MKLN1: variants seen among roughly 807,000 people sequenced by gnomAD.
MKLN1 encodes the protein muskelin.
A neutral mutation model predicts 99.0 loss-of-function variants in MKLN1; 18 were observed. The observed-to-expected ratio is 0.18, with a 90% CI of 0.13 to 0.27. The LOEUF (loss-of-function observed/expected upper bound fraction) is 0.27, where lower values mean the gene tolerates loss of function less well. Ranked by LOEUF, MKLN1 falls within the 10% of genes least tolerant of loss-of-function variation. The pLI is 1.00. For synonymous variants in MKLN1, 288 were observed against 293.2 expected (o/e 0.98, Z 0.18); for missense variants, 621 against 875.9 (o/e 0.71, Z 3.67).
intron 17 of MKLN1, among the ~76,000 whole-genome samples, chr7:131,484,738 G>T (rs1191329684): frequency 6.6e-6 from 1 of 152,130 alleles, no homozygotes; most frequent in Non-Finnish European, 1.5e-5. Context: ...TTTCAGTGAG[G>T]TATAGTCTAC....
chr7:131,245,498 C>T (rs1363903062), intron 3 of MKLN1, among the ~76,000 whole-genome samples: 1 of 152,046 alleles, frequency 6.6e-6, no homozygotes, highest in African/African-American at 2.4e-5. Flanking sequence ...GAATTCCTGC[C>T]CTCAGGTGAT....
chr7:131,211,966 T>G (rs1489671356), intron 3 of MKLN1, among the ~76,000 whole-genome samples: 2 of 152,112 alleles, frequency 1.3e-5, no homozygotes, highest in African/African-American at 4.8e-5. Context: ...AGAGAAATGA[T>G]GAAAAGCATT....
In MKLN1 at chr7:131,495,348, C is replaced by A. The variant is rs975098748; in HGVS notation, c.*7620C>A. 1 of 152,138 alleles carries A rather than the reference C, an allele frequency of 6.6e-6. No homozygotes were observed. Among genetic ancestry groups the A allele is most frequent in the African/African-American group, 2.4e-5 (1 of 41,422 alleles). The allele number at this position is 152,138 out of a possible 1,614,324, so 9.4% of individuals were successfully genotyped here. On this transcript the variant is annotated 3_prime_UTR_variant, in exon 18 of 18. Coordinates refer to ENST00000352689, the MANE Select transcript of MKLN1 (RefSeq NM_013255.5). ...TCGCTCCTTCTGTTTGTGAAAACAT[C>A]TCCTGGACTGGAAATGTGGTGCTGT...
intron 2 of MKLN1, among the ~76,000 whole-genome samples, chr7:131,157,672 A>T (rs1045031118): frequency 1.3e-5 from 2 of 152,076 alleles, no homozygotes; most frequent in African/African-American, 4.8e-5. Context: ...CTCTTTTTTC[A>T]TGCAAAAGCT....
At chr7:131,399,043 A>G (rs1794446838) in intron 5 of MKLN1, among the ~76,000 whole-genome samples, 198 bp from the exon 6 acceptor site, 1 of 152,218 alleles carries the variant, frequency 6.6e-6, no homozygotes, top group South Asian at 2.1e-4. Context: ...TGAGCAAGTT[A>G]TTGGAACAGG....
At chr7:131,345,305 C>T (rs987879271) in intron 1 of MKLN1, among the ~76,000 whole-genome samples, 2 of 152,144 alleles carry the variant, frequency 1.3e-5, no homozygotes, top group African/African-American at 2.4e-5. Flanking sequence ...ATATACTTAG[C>T]AGTTGAGCAT....
intron 1 of MKLN1, among the ~76,000 whole-genome samples, chr7:131,137,198 G>A (rs934770327): frequency 6.6e-6 from 1 of 152,154 alleles, no homozygotes; most frequent in Admixed American, 6.5e-5. Flanking sequence ...CGCCTGTACA[G>A]TTTGAGCACA....
chr7:131,314,263 T>C (rs1427418778), intron 3 of MKLN1, among the ~76,000 whole-genome samples: 1 of 152,158 alleles, frequency 6.6e-6, no homozygotes. Flanking sequence ...AATCTCTCCA[T>C]GACTCTTCAC....
intron 3 of MKLN1, among the ~76,000 whole-genome samples, chr7:131,217,148 T>C (rs1796994619): frequency 6.6e-6 from 1 of 152,262 alleles, no homozygotes; most frequent in Admixed American, 6.5e-5. Context: ...ACTAGCTTAG[T>C]ATATAAATAT....
At chr7:131,173,845 AAACAAAAC>A (rs1315719593) in intron 2 of MKLN1, among the ~76,000 whole-genome samples, 1 of 152,180 alleles carries the variant, frequency 6.6e-6, no homozygotes, top group Admixed American at 6.5e-5. Context: ...AAACAAATCA[AAACAAAAC>A]AACAAAACAA....
chr7:131,356,463 C>CA (rs1311979366), intron 1 of MKLN1, among the ~76,000 whole-genome samples: 1 of 152,056 alleles, frequency 6.6e-6, no homozygotes, highest in African/African-American at 2.4e-5. Context: ...TCCAAGACCC[C>CA]AAATCTTTGG....
At chr7:131,401,785 A>T (rs1794551529) in intron 6 of MKLN1, among the ~76,000 whole-genome samples, 2 of 152,194 alleles carry the variant, frequency 1.3e-5, no homozygotes, top group Admixed American at 6.6e-5. Context: ...ACTTTACTGT[A>T]GCCTCTTAAG....
intron 8 of MKLN1, among the ~76,000 whole-genome samples, chr7:131,422,332 G>A (rs1408909293): frequency 6.6e-6 from 1 of 152,170 alleles, no homozygotes; most frequent in Non-Finnish European, 1.5e-5. Flanking sequence ...AGGATCACTT[G>A]AGGCTGGGAG....
chr7:131,276,435 C>T (rs1406039334), intron 3 of MKLN1, among the ~76,000 whole-genome samples: 1 of 152,148 alleles, frequency 6.6e-6, no homozygotes, highest in Non-Finnish European at 1.5e-5. Context: ...AAGTGCATAA[C>T]CAGAATTTCC....
At chr7:131,257,106 C>T (rs1797668527) in intron 3 of MKLN1, among the ~76,000 whole-genome samples, 1 of 152,108 alleles carries the variant, frequency 6.6e-6, no homozygotes, top group Non-Finnish European at 1.5e-5. Context: ...TGTAACAACA[C>T]TGTAGACTAG....
intron 12 of MKLN1, among the ~76,000 whole-genome samples, chr7:131,451,171 A>G (rs118098010): frequency 6.6e-6 from 1 of 152,328 alleles, no homozygotes; most frequent in East Asian, 1.9e-4. Flanking sequence ...CCACATTTTT[A>G]AAATATTCTT....
At position 131,132,464 on chromosome 7, in the gene MKLN1, C is replaced by T. The variant is rs1225355477; in HGVS notation, c.-418-10356C>T. 5.3e-5 allele frequency among the ~76,000 whole-genome samples: 8 copies of T among 152,242 alleles called. 1 individual carries two copies. The South Asian group carries it at 1.0e-3, about 20-fold the overall frequency. On this transcript the variant is annotated intron_variant, in intron 1 of 7. Coordinates refer to the MKLN1 transcript ENST00000416992. ...CATACATACATATATCCATACATAA[C>T]GACTGGATTATTTCACAGAGGTGAA...
rs144256871 is a variant in MKLN1, at chr7:131,153,663, G to GTTTTTTTTTTT, written c.-297+10722_-297+10723insTTTTTTTTTTT. On this transcript the variant is annotated intron_variant, in intron 2 of 7. Coordinates refer to the MKLN1 transcript ENST00000416992. Reference sequence around the variant, plus strand: ...TACAAAATGAAAGTAGGTTTTTTTTGGTTTTTTTTTTTTTTTTGAGAAGGA... The same window carrying GTTTTTTTTTTT: ...TACAAAATGAAAGTAGGTTTTTTTTGTTTTTTTTTTTGTTTTTTTTTTTTTTTTGAGAAGGA... Among the ~76,000 whole-genome samples the GTTTTTTTTTTT allele has an allele frequency of 9.6e-5, 13 of 135,238 alleles. 3 individuals carry two copies. The highest frequency in any genetic ancestry group is 1.4e-4 in the Non-Finnish European group (9 of 64,778). The allele number at this position is 135,238 out of a possible 152,430, so 88.7% of individuals were successfully genotyped here.
At chr7:131,398,701 A>AG in intron 5 of MKLN1, among the ~76,000 whole-genome samples, 1 of 150,546 alleles carries the variant, frequency 6.6e-6, no homozygotes, top group East Asian at 1.9e-4. Context: ...AAAAAAAGAA[A>AG]GAAAAAAAAA....
Sources: allele counts gnomAD v4.1 joint callset (sites outside exome capture counted in the v4.1 genomes callset), GRCh38; gene constraint gnomAD v4.1.1; transcripts MANE v1.5; gene names NCBI Gene and HGNC (gene_info 2026-07-23, HGNC 2026-07-21).